STXBP5L: variants seen among roughly 807,000 people sequenced by gnomAD.
STXBP5L encodes syntaxin-binding protein 5-like.
A neutral mutation model predicts 144.5 loss-of-function variants in STXBP5L; 65 were observed. The observed-to-expected ratio is 0.45, with a 90% CI of 0.37 to 0.55. The LOEUF (loss-of-function observed/expected upper bound fraction) is 0.55. STXBP5L is among the 20% of genes least tolerant of loss of function. The pLI, the probability that STXBP5L is intolerant of heterozygous loss-of-function variation, is 0.00. For missense variants in STXBP5L, 1,298 were observed against 1,405.5 expected, an observed-to-expected ratio of 0.92 and a Z score of 1.22; for synonymous variants, 505 against 469.6, an observed-to-expected ratio of 1.08 and a Z score of -0.97.
chr3:121,116,940 G>C (rs1412157243), intron 6 of STXBP5L, among the ~76,000 whole-genome samples: 1 of 151,924 alleles, frequency 6.6e-6, no homozygotes, highest in Non-Finnish European at 1.5e-5. Context: ...TGCATCACTT[G>C]TGTTCAGGTT....
chr3:121,095,725 G>T (rs1380829996), intron 5 of STXBP5L, among the ~76,000 whole-genome samples: 1 of 152,186 alleles, frequency 6.6e-6, no homozygotes, highest in South Asian at 2.1e-4. Flanking sequence ...TTTGCGATGG[G>T]TTCGAACTTC....
chr3:120,991,948 A>T (rs991898634), intron 3 of STXBP5L, among the ~76,000 whole-genome samples: 1 of 152,122 alleles, frequency 6.6e-6, no homozygotes, highest in African/African-American at 2.4e-5. Flanking sequence ...GTACCCTAAA[A>T]CTTAAAGTAT....
chr3:121,327,136 T>C (rs1001830842), intron 20 of STXBP5L, among the ~76,000 whole-genome samples: 11 of 152,132 alleles, frequency 7.2e-5, no homozygotes, highest in African/African-American at 2.4e-4. Flanking sequence ...GCACTATCCA[T>C]TGACTTTGAA....
chr3:121,235,891 T>A (rs1017088332), intron 12 of STXBP5L, among the ~76,000 whole-genome samples: 1 of 151,324 alleles, frequency 6.6e-6, no homozygotes, highest in Non-Finnish European at 1.5e-5. Context: ...TGGACTAAAC[T>A]CCTAATTTTT....
chr3:120,970,458 G>C (rs1230537846), intron 3 of STXBP5L, among the ~76,000 whole-genome samples: 3 of 152,040 alleles, frequency 2.0e-5, no homozygotes, highest in African/African-American at 7.2e-5. Flanking sequence ...AGTATTTTTG[G>C]ATGGCAATTT....
intron 4 of STXBP5L, among the ~76,000 whole-genome samples, chr3:121,044,685 C>G (rs921122654): frequency 1.3e-5 from 2 of 151,978 alleles, no homozygotes; most frequent in Non-Finnish European, 2.9e-5. Context: ...TGATTTAACC[C>G]AGTCAAATAA....
chr3:121,321,036 C>G (rs1442591386), intron 20 of STXBP5L, among the ~76,000 whole-genome samples: 1 of 152,140 alleles, frequency 6.6e-6, no homozygotes, highest in Non-Finnish European at 1.5e-5. Flanking sequence ...ACTCAGAAAA[C>G]TGTGCATGCA....
chr3:121,371,126 C>A (rs1216579781), intron 20 of STXBP5L, among the ~76,000 whole-genome samples: 1 of 152,206 alleles, frequency 6.6e-6, no homozygotes, highest in Non-Finnish European at 1.5e-5. Flanking sequence ...TCTTTCTCAT[C>A]TTTATGGGCT....
At chr3:121,313,008 A>T (rs2043599860) in intron 19 of STXBP5L, among the ~76,000 whole-genome samples, 1 of 152,002 alleles carries the variant, frequency 6.6e-6, no homozygotes, top group South Asian at 2.1e-4. Context: ...GGCCGGGCAG[A>T]GGGGCTCCTC....
At chr3:121,090,385 A>C (rs571868099) in intron 5 of STXBP5L, among the ~76,000 whole-genome samples, 21 of 152,156 alleles carry the variant, frequency 1.4e-4, no homozygotes, top group Non-Finnish European at 1.8e-4. Flanking sequence ...CCCTCTTACA[A>C]GGAAGAATAA....
At chr3:121,118,712 G>T (rs1254749450) in intron 6 of STXBP5L, among the ~76,000 whole-genome samples, 1 of 151,548 alleles carries the variant, frequency 6.6e-6, no homozygotes, top group Non-Finnish European at 1.5e-5. Flanking sequence ...TTATGTTGGT[G>T]TTGTAGGAGT....
At chr3:121,010,175 G>A (rs1451861752) in intron 3 of STXBP5L, among the ~76,000 whole-genome samples, 1 of 151,782 alleles carries the variant, frequency 6.6e-6, no homozygotes, top group African/African-American at 2.4e-5. Context: ...AAGTTCAACA[G>A]TCCTTAAGAG....
chr3:121,377,291 C>T (rs1000077172), intron 20 of STXBP5L, among the ~76,000 whole-genome samples: 2 of 152,172 alleles, frequency 1.3e-5, no homozygotes, highest in African/African-American at 4.8e-5. Context: ...GATTTCGTGA[C>T]TACAACACCA....
intron 3 of STXBP5L, among the ~76,000 whole-genome samples, chr3:120,984,431 T>C (rs1244574841): frequency 6.6e-6 from 1 of 152,162 alleles, no homozygotes; most frequent in Non-Finnish European, 1.5e-5. Flanking sequence ...ACTATTCTGC[T>C]ATCTTGCTGA....
At chr3:121,225,668 A>G (rs1423551170) in intron 11 of STXBP5L, among the ~76,000 whole-genome samples, 1 of 152,180 alleles carries the variant, frequency 6.6e-6, no homozygotes, top group African/African-American at 2.4e-5. Context: ...AGGGTTAAGG[A>G]GGACTAAAGA....
intron 5 of STXBP5L, among the ~76,000 whole-genome samples, chr3:121,084,616 ATT>A (rs2042402511): frequency 6.6e-6 from 1 of 152,192 alleles, no homozygotes; most frequent in African/African-American, 2.4e-5. Context: ...ATTGATGGGC[ATT>A]TGGGTTGATT....
chr3:121,112,423 G>A (rs1195973374), intron 5 of STXBP5L, among the ~76,000 whole-genome samples: 1 of 152,126 alleles, frequency 6.6e-6, no homozygotes, highest in Non-Finnish European at 1.5e-5. Flanking sequence ...TCCCAGGTGG[G>A]CCGTTGCTCC....
At chr3:121,394,222 T>C (rs1319378238) in intron 22 of STXBP5L, among the ~76,000 whole-genome samples, 3 of 152,196 alleles carry the variant, frequency 2.0e-5, no homozygotes, top group Non-Finnish European at 4.4e-5. Context: ...CTCAGCTTGA[T>C]CATTATTAGT....
At chr3:121,413,470 C>T (rs1225985494) in intron 24 of STXBP5L, 147 bp downstream of exon 24, 1 of 646,984 alleles carries the variant, frequency 1.5e-6, no homozygotes. Flanking sequence ...CATTTTGAGC[C>T]TACCAACTTC....
Sources: allele counts gnomAD v4.1 joint callset (sites outside exome capture counted in the v4.1 genomes callset), GRCh38; gene constraint gnomAD v4.1.1; transcripts MANE v1.5; gene names NCBI Gene and HGNC (gene_info 2026-07-23, HGNC 2026-07-21).